Variants in METTL8 observed in about 807,000 individuals in gnomAD.
The protein encoded by METTL8 is tRNA N(3)-cytidine methyltransferase METTL8, mitochondrial.
Under a neutral mutation model 48.7 loss-of-function variants are expected in METTL8, and 32 were observed. The observed-to-expected ratio is 0.66, with a 90% confidence interval of 0.50 to 0.88. The LOEUF is 0.88. Among genes scored for constraint, METTL8 ranks in the 40% least tolerant of loss-of-function variants. The probability of loss-of-function intolerance (pLI) is 0.00; values close to 1 mark genes in which losing one functional copy is unlikely to be tolerated. For synonymous variants in METTL8, 136 were observed against 157.1 expected, an observed-to-expected ratio of 0.87 and a Z score of 1.01; for missense variants, 464 against 474.4, an observed-to-expected ratio of 0.98 and a Z score of 0.20.
intron 3 of METTL8, among the ~76,000 whole-genome samples, chr2:171,358,643 A>G (rs558866616): frequency 2.3e-4 from 35 of 152,332 alleles, no homozygotes; most frequent in African/African-American, 7.9e-4. Flanking sequence ...TATTTACTAT[A>G]TATAAAAATC....
At chr2:171,431,692 C>G (rs1308496118) in intron 1 of METTL8, among the ~76,000 whole-genome samples, 1 of 152,240 alleles carries the variant, frequency 6.6e-6, no homozygotes. Context: ...ACCAGCAGCG[C>G]CTGGTAGCCA....
intron 3 of METTL8, among the ~76,000 whole-genome samples, chr2:171,345,844 T>C (rs56239048): frequency 0.078 from 11,904 of 152,206 alleles, 933 homozygotes; most frequent in African/African-American, 0.2. Context: ...AATTATAAAA[T>C]ATAATTATGT....
Position 171,337,484 on chromosome 2 carries a change from T to A in METTL8, c.625A>T (p.Asn209Tyr). The A allele has an allele frequency of 6.2e-7, 1 of 1,606,432 alleles. No homozygotes were observed. Among genetic ancestry groups the A allele is most frequent in the Non-Finnish European group, 8.5e-7 (1 of 1,176,428 alleles). ...RILEVGCGAG[N>Y]SVFPILNTLE... ...GTGTTCAAAATTGGAAACACACTAT[T>A]TCCAGCTCCACAACCAACCTAAAAT... Residue 209 changes from asparagine (N) to tyrosine (Y), a missense_variant, in exon 5 of 10, where the codon AAT becomes TAT. Coordinates refer to ENST00000375258, the MANE Select transcript of METTL8 (RefSeq NM_001321154.2).
chr2:171,332,536 G>A (rs1685654814), intron 5 of METTL8: 1 of 152,396 alleles, frequency 6.6e-6, no homozygotes, highest in East Asian at 1.9e-4. Context: ...ATGATGGCTG[G>A]ACCATGGTTA....
intron 1 of METTL8, among the ~76,000 whole-genome samples, chr2:171,431,057 C>T (rs755151310): frequency 9.2e-5 from 14 of 152,274 alleles, no homozygotes; most frequent in Middle Eastern, 3.4e-3. Context: ...ACCACCCTTG[C>T]GTCCCCTCTT....
intron 1 of METTL8, among the ~76,000 whole-genome samples, chr2:171,393,932 A>C (rs1688822056): frequency 6.6e-6 from 1 of 152,260 alleles, no homozygotes; most frequent in African/African-American, 2.4e-5. Flanking sequence ...CATACCAACA[A>C]GACTGTAATG....
intron 1 of METTL8, among the ~76,000 whole-genome samples, chr2:171,396,489 G>A (rs56403470): frequency 6.6e-6 from 1 of 151,946 alleles, no homozygotes; most frequent in Non-Finnish European, 1.5e-5. Context: ...GTCATGTATG[G>A]CATGCTGTGT....
At chr2:171,358,353 G>GAAAAAAA (rs750007486) in intron 3 of METTL8, among the ~76,000 whole-genome samples, 6 of 57,070 alleles carry the variant, frequency 1.1e-4, no homozygotes, top group Non-Finnish European at 1.1e-4. Context: ...TCCGTCTCCA[G>GAAAAAAA]AAAAAAAAAA....
chr2:171,364,982 T>A (rs1185305900), intron 2 of METTL8, among the ~76,000 whole-genome samples: 1 of 152,202 alleles, frequency 6.6e-6, no homozygotes, highest in East Asian at 1.9e-4. Context: ...AAAAATAGTT[T>A]ATTACTTTCA....
chr2:171,416,962 T>A (rs114749130), intron 1 of METTL8, among the ~76,000 whole-genome samples: 50 of 152,358 alleles, frequency 3.3e-4, no homozygotes, highest in African/African-American at 1.2e-3. Flanking sequence ...CATCCCACTT[T>A]TGCTTCAAAT....
chr2:171,323,981 C>T lies in METTL8; in HGVS notation c.*191G>A, dbSNP rs1684679838. The T allele has an allele frequency of 2.3e-6, 1 of 435,182 alleles. No homozygotes were observed. The highest frequency in any genetic ancestry group is 3.4e-5 in the East Asian group (1 of 29,008). The allele number at this position is 435,182 out of a possible 1,614,324, so 27.0% of individuals were successfully genotyped here. A position where few individuals can be genotyped will look rare whatever the true frequency, so the allele number is the denominator to read the frequency against. On this transcript the variant is annotated 3_prime_UTR_variant, in exon 10 of 10. Transcript: ENST00000375258. ...GCTTGAGCATATCAAGTTTTCAAAG[C>T]ACAGAAAAAGGCATACTGTGCTGAA...
At chr2:171,409,634 T>G (rs1360060777) in intron 1 of METTL8, among the ~76,000 whole-genome samples, 2 of 152,088 alleles carry the variant, frequency 1.3e-5, no homozygotes, top group African/African-American at 4.8e-5. Context: ...GGAAATTGTC[T>G]TACTGTCAAG....
chr2:171,349,378 C>T (rs773080788), intron 3 of METTL8, among the ~76,000 whole-genome samples: 4 of 152,134 alleles, frequency 2.6e-5, no homozygotes, highest in Non-Finnish European at 5.9e-5. Context: ...ATGAATCTGA[C>T]TACTTTAGAT....
chr2:171,427,534 T>A (rs1692539134), intron 1 of METTL8, among the ~76,000 whole-genome samples: 1 of 152,146 alleles, frequency 6.6e-6, no homozygotes, highest in South Asian at 2.1e-4. Context: ...TTCTGAGAGT[T>A]TTTGACTTCT....
intron 2 of METTL8, among the ~76,000 whole-genome samples, chr2:171,387,561 T>A (rs1688193249): frequency 6.6e-6 from 1 of 151,722 alleles, no homozygotes; most frequent in Admixed American, 6.6e-5. Flanking sequence ...AAATTTTTTT[T>A]TAAATATATA....
At chr2:171,428,890 C>T (rs1162518989) in intron 1 of METTL8, among the ~76,000 whole-genome samples, 2 of 152,056 alleles carry the variant, frequency 1.3e-5, no homozygotes, top group Non-Finnish European at 2.9e-5. Context: ...GCAAACATGT[C>T]AGAACCACAA....
At chr2:171,375,604 A>G (rs986597895) in intron 2 of METTL8, among the ~76,000 whole-genome samples, 1 of 152,144 alleles carries the variant, frequency 6.6e-6, no homozygotes, top group African/African-American at 2.4e-5. Context: ...TACCATCTGT[A>G]TATCTTCTTT....
chr2:171,424,133 A>G (rs779829894), intron 1 of METTL8, among the ~76,000 whole-genome samples: 14 of 152,346 alleles, frequency 9.2e-5, no homozygotes, highest in African/African-American at 3.4e-4. Flanking sequence ...GCGGGTGCAC[A>G]GAAGTCAAGA....
chr2:171,433,648 C>A (rs913525625), intron 1 of METTL8, among the ~76,000 whole-genome samples: 1 of 152,124 alleles, frequency 6.6e-6, no homozygotes, highest in Non-Finnish European at 1.5e-5. Flanking sequence ...ATATTTTATT[C>A]CCTATAAAGA....
Sources: gnomAD v4.1 joint callset for allele counts (sites outside exome capture counted in the v4.1 genomes callset) on GRCh38, gnomAD v4.1.1 for gene constraint, MANE v1.5 for transcripts, NCBI Gene and HGNC (gene_info 2026-07-23, HGNC 2026-07-21) for gene names.